Variants in FSHR observed in about 807,000 individuals in gnomAD.
The protein encoded by FSHR is follicle stimulating hormone receptor.
FSHR carries 46 observed loss-of-function variants against 52.1 expected under a neutral mutation model. That is an observed-to-expected ratio of 0.88 (90% CI 0.70 to 1.13). FSHR has a LOEUF of 1.13. Ranked by LOEUF, FSHR falls within the 50% of genes most tolerant of loss-of-function variation. The pLI, the probability that FSHR is intolerant of heterozygous loss-of-function variation, is 0.00. For missense variants in FSHR, 964 were observed against 834.6 expected, an observed-to-expected ratio of 1.16 and a Z score of -1.91; for synonymous variants, 399 against 309.6, an observed-to-expected ratio of 1.29 and a Z score of -3.03.
At chr2:49,036,654 G>A (rs529769913) in intron 2 of FSHR, among the ~76,000 whole-genome samples, 4 of 152,188 alleles carry the variant, frequency 2.6e-5, no homozygotes, top group East Asian at 3.9e-4. Flanking sequence ...TAGATGCTCA[G>A]TACCATCAGG....
At chr2:49,134,822 A>G (rs1672427399) in intron 1 of FSHR, among the ~76,000 whole-genome samples, 1 of 152,128 alleles carries the variant, frequency 6.6e-6, no homozygotes, top group Non-Finnish European at 1.5e-5. Context: ...AGAACAAAAA[A>G]CCAAACACCG....
intron 4 of FSHR, among the ~76,000 whole-genome samples, chr2:49,007,172 G>A (rs1166816536): frequency 6.6e-6 from 1 of 152,026 alleles, no homozygotes; most frequent in African/African-American, 2.4e-5. Context: ...CCCAAGTATG[G>A]CTCTTTTCCC....
At chr2:48,981,626 G>A (rs187642655) in intron 8 of FSHR, among the ~76,000 whole-genome samples, 43 of 152,246 alleles carry the variant, frequency 2.8e-4, no homozygotes, top group African/African-American at 9.4e-4. Flanking sequence ...AATCTACCTT[G>A]AAGTGTATAT....
chr2:49,116,702 A>G (rs999225545), intron 1 of FSHR, among the ~76,000 whole-genome samples: 3 of 152,072 alleles, frequency 2.0e-5, no homozygotes, highest in East Asian at 1.9e-4. Context: ...TATTCTTTAA[A>G]TTTTTTCAGA....
intron 4 of FSHR, among the ~76,000 whole-genome samples, chr2:48,996,804 G>C (rs539797592): frequency 6.6e-6 from 1 of 152,070 alleles, no homozygotes; most frequent in African/African-American, 2.4e-5. Flanking sequence ...AGTGTTTCAC[G>C]TACTGATTTT....
chr2:49,061,566 A>G (rs1393469696), intron 2 of FSHR, among the ~76,000 whole-genome samples: 1 of 145,456 alleles, frequency 6.9e-6, no homozygotes, highest in Admixed American at 7.0e-5. Flanking sequence ...ACATATAAAT[A>G]TACATATTTA....
intron 6 of FSHR, 110 bp downstream of exon 6, chr2:48,988,867 G>T: frequency 1.2e-6 from 1 of 827,852 alleles, no homozygotes. Flanking sequence ...TGATTTAAGT[G>T]GAGAAATGCC....
At chr2:49,051,844 C>A (rs1477977397) in intron 2 of FSHR, among the ~76,000 whole-genome samples, 4 of 152,020 alleles carry the variant, frequency 2.6e-5, no homozygotes, top group Non-Finnish European at 4.4e-5. Context: ...AGTCAATTAT[C>A]CACTTAAAGT....
intron 1 of FSHR, among the ~76,000 whole-genome samples, chr2:49,093,752 G>C (rs544017019): frequency 6.6e-6 from 1 of 151,722 alleles, no homozygotes; most frequent in East Asian, 1.9e-4. Context: ...GCACCACCAC[G>C]CCTGGCTAAT....
intron 1 of FSHR, among the ~76,000 whole-genome samples, chr2:49,143,612 G>A (rs72821797): frequency 0.011 from 1,622 of 152,116 alleles, 16 homozygotes; most frequent in Non-Finnish European, 0.018. Flanking sequence ...GACAATAAGG[G>A]AATTTGTTTT....
At chr2:49,124,775 C>T (rs748011593) in intron 1 of FSHR, among the ~76,000 whole-genome samples, 1 of 152,194 alleles carries the variant, frequency 6.6e-6, no homozygotes, top group Non-Finnish European at 1.5e-5. Context: ...TCCTGTTTCT[C>T]CTTTGACCTC....
At chr2:48,994,040 G>A (rs1357971986) in intron 4 of FSHR, among the ~76,000 whole-genome samples, 1 of 152,130 alleles carries the variant, frequency 6.6e-6, no homozygotes, top group African/African-American at 2.4e-5. Context: ...TGAATCATAT[G>A]AGGGCAAGAT....
chr2:49,077,055 C>T (rs2103644171), intron 1 of FSHR, among the ~76,000 whole-genome samples: 1 of 152,308 alleles, frequency 6.6e-6, no homozygotes, highest in Non-Finnish European at 1.5e-5. Flanking sequence ...TGGCCGTCTT[C>T]TCACAGCTCC....
chr2:49,098,392 G>C (rs972381341), intron 1 of FSHR, among the ~76,000 whole-genome samples: 2 of 152,144 alleles, frequency 1.3e-5, no homozygotes, highest in African/African-American at 2.4e-5. Context: ...TTAGAGGATA[G>C]AATGGGGTGA....
At chr2:49,119,107 T>A (rs1167413584) in intron 1 of FSHR, among the ~76,000 whole-genome samples, 1 of 152,176 alleles carries the variant, frequency 6.6e-6, no homozygotes, top group African/African-American at 2.4e-5. Flanking sequence ...ATAAGACTAC[T>A]TATGGACACA....
intron 1 of FSHR, among the ~76,000 whole-genome samples, chr2:49,143,156 G>A (rs1323526206): frequency 6.6e-6 from 1 of 152,148 alleles, no homozygotes; most frequent in Non-Finnish European, 1.5e-5. Context: ...GGAAGCCTGG[G>A]AACTCCAACA....
chr2:49,100,110 TATTACATAGGTACTATAATC>T (rs1670972725), intron 1 of FSHR, among the ~76,000 whole-genome samples: 1 of 152,124 alleles, frequency 6.6e-6, no homozygotes, highest in South Asian at 2.1e-4. Context: ...ACAACAAACC[TATTACATAGGTACTATAATC>T]ATTCCAAGTT....
Position 48,990,573 on chromosome 2 carries a change from C to G in FSHR, c.439G>C (p.Val147Leu). Reference protein sequence around the residue: ...DVHKIHSLQKVLLDIQDNINI... With the variant: ...DVHKIHSLQKLLLDIQDNINI... Reference sequence around the variant, plus strand: ...CTCAAGGAAAAAACTTACAGTAAAACTTTTTGGAGAGAATGAATCTTGTGA... The same window carrying G: ...CTCAAGGAAAAAACTTACAGTAAAAGTTTTTGGAGAGAATGAATCTTGTGA... Residue 147 changes from valine (V) to leucine (L), a missense_variant, in exon 5 of 10, where the codon GTT becomes CTT. Physicochemically the swap from Val to Leu is conservative, Grantham distance 32. Coordinates refer to ENST00000406846, the MANE Select transcript of FSHR (RefSeq NM_000145.4). 1.2e-6 allele frequency: 2 copies of G among 1,608,356 alleles called. No individual in the cohort carries two copies. The highest frequency in any genetic ancestry group is 1.1e-5 in the South Asian group (1 of 90,956).
chr2:49,067,439 C>T (rs1394960148), intron 2 of FSHR, among the ~76,000 whole-genome samples: 1 of 152,010 alleles, frequency 6.6e-6, no homozygotes, highest in East Asian at 1.9e-4. Flanking sequence ...GCTTTCATTC[C>T]CTTCTGTATA....
Sources: allele counts gnomAD v4.1 joint callset (sites outside exome capture counted in the v4.1 genomes callset), GRCh38; gene constraint gnomAD v4.1.1; transcripts MANE v1.5; gene names NCBI Gene and HGNC (gene_info 2026-07-23, HGNC 2026-07-21).